The following TUSC3 variants were observed in gnomAD, a reference collection of about 807,000 sequenced individuals.
TUSC3 encodes the protein tumor suppressor candidate 3.
TUSC3 carries 45 observed loss-of-function variants against 44.8 expected under a neutral mutation model. That is an observed-to-expected ratio of 1.00 (90% confidence interval 0.79 to 1.29). The LOEUF is 1.29. TUSC3 is among the 50% of genes most tolerant of loss of function. The pLI is 0.00. For synonymous variants in TUSC3, 212 were observed against 152.9 expected (o/e 1.39, Z -2.85); for missense variants, 519 against 437.9 (o/e 1.19, Z -1.65).
chr8:15,648,223 A>C (rs552569417), intron 2 of TUSC3, among the ~76,000 whole-genome samples: 3 of 152,054 alleles, frequency 2.0e-5, no homozygotes, highest in African/African-American at 4.8e-5. Context: ...TTGGTGTTTT[A>C]TTTGGGCAGT....
chr8:15,514,028 C>G (rs190445520), intron 2 of TUSC3, among the ~76,000 whole-genome samples: 2 of 152,170 alleles, frequency 1.3e-5, no homozygotes, highest in African/African-American at 2.4e-5. Context: ...AGGAACATAA[C>G]CAGTACTTTT....
intron 2 of TUSC3, among the ~76,000 whole-genome samples, chr8:15,514,542 A>G (rs947585700): frequency 3.3e-5 from 5 of 151,988 alleles, no homozygotes; most frequent in African/African-American, 9.7e-5. Context: ...TGAAAACGGA[A>G]CTCCGCTTCT....
chr8:15,498,258 A>C (rs1173373632), intron 2 of TUSC3, among the ~76,000 whole-genome samples: 2 of 152,196 alleles, frequency 1.3e-5, no homozygotes, highest in East Asian at 3.9e-4. Context: ...TCATAAGAAC[A>C]CAGATTGAGT....
intron 1 of TUSC3, among the ~76,000 whole-genome samples, chr8:15,556,678 T>G (rs879819161): frequency 9.5e-5 from 14 of 146,858 alleles, no homozygotes; most frequent in Non-Finnish European, 1.8e-4. Context: ...GTTTCCTGAC[T>G]TTTTAATGAT....
At chr8:15,468,519 ACT>A (rs1350534788) in intron 1 of TUSC3, among the ~76,000 whole-genome samples, 1 of 151,914 alleles carries the variant, frequency 6.6e-6, no homozygotes, top group Non-Finnish European at 1.5e-5. Context: ...TTCCCTCTTC[ACT>A]CTGTCAAATT....
At chr8:15,651,850 A>G (rs796111487) in intron 3 of TUSC3, among the ~76,000 whole-genome samples, 1 of 152,200 alleles carries the variant, frequency 6.6e-6, no homozygotes, top group African/African-American at 2.4e-5. Context: ...CGATGTTGTC[A>G]TGGTTGTATC....
intron 1 of TUSC3, among the ~76,000 whole-genome samples, chr8:15,479,902 C>T (rs978725516): frequency 4.6e-5 from 7 of 152,114 alleles, no homozygotes; most frequent in Admixed American, 2.6e-4. Flanking sequence ...GTGGAAAACA[C>T]CATAGTCTCA....
In TUSC3 at chr8:15,533,936, A is replaced by G. The variant is rs1055398061; in HGVS notation, n.189+50453A>G. 9.3e-4 allele frequency among the ~76,000 whole-genome samples: 141 copies of G among 152,204 alleles called. 3 individuals carry two copies. The highest frequency in any genetic ancestry group is 9.0e-3 in the Admixed American group (137 of 15,290). On this transcript the variant is annotated intron_variant and non_coding_transcript_variant, in intron 2 of 5. Transcript: ENST00000503191. ...TGGAAAGTTTCTGGTTGGAGGTGTC[A>G]TTTGTGGTTTATGGTGATGGCTGAC... is the stretch of plus-strand genomic sequence containing the variant.
intron 8 of TUSC3, among the ~76,000 whole-genome samples, chr8:15,745,371 G>C (rs1811368429): frequency 6.6e-6 from 1 of 152,008 alleles, no homozygotes; most frequent in Non-Finnish European, 1.5e-5. Context: ...TAAGTTTTTT[G>C]AGAAATCTCG....
intron 1 of TUSC3, among the ~76,000 whole-genome samples, chr8:15,443,730 A>T (rs1043686513): frequency 6.6e-6 from 1 of 152,110 alleles, no homozygotes; most frequent in African/African-American, 2.4e-5. Flanking sequence ...ATGAGAAATT[A>T]TGGTTTAGGA....
At chr8:15,645,239 T>C (rs1806570860) in intron 2 of TUSC3, among the ~76,000 whole-genome samples, 1 of 152,186 alleles carries the variant, frequency 6.6e-6, no homozygotes, top group African/African-American at 2.4e-5. Flanking sequence ...AGCTGGGTCC[T>C]ATTTATGTTT....
intron 1 of TUSC3, among the ~76,000 whole-genome samples, chr8:15,572,122 C>G (rs1486557137): frequency 6.6e-6 from 1 of 152,306 alleles, no homozygotes; most frequent in East Asian, 1.9e-4. Flanking sequence ...ATCGACTTCT[C>G]TCTAGCCATG....
intron 6 of TUSC3, among the ~76,000 whole-genome samples, chr8:15,684,298 C>A (rs992616295): frequency 1.3e-5 from 2 of 152,108 alleles, no homozygotes; most frequent in African/African-American, 4.8e-5. Context: ...CACTGTTCCT[C>A]TGTATTTGCC....
the TUSC3 span, among the ~76,000 whole-genome samples, chr8:15,813,838 G>T: frequency 6.6e-6 from 1 of 151,994 alleles, no homozygotes; most frequent in Non-Finnish European, 1.5e-5. Flanking sequence ...GAAGTATTAC[G>T]TTGAGGCAGT....
the TUSC3 span, among the ~76,000 whole-genome samples, chr8:15,786,698 A>T: frequency 6.6e-6 from 1 of 152,066 alleles, no homozygotes; most frequent in Non-Finnish European, 1.5e-5. Context: ...TAATCCCAGC[A>T]CTTTGGGTGG....
chr8:15,433,890 T>G (rs1799911375), intron 1 of TUSC3, among the ~76,000 whole-genome samples: 1 of 152,126 alleles, frequency 6.6e-6, no homozygotes, highest in Admixed American at 6.5e-5. Context: ...ATAAATATTT[T>G]ATATACACAT....
intron 2 of TUSC3, among the ~76,000 whole-genome samples, chr8:15,526,742 A>G (rs947573633): frequency 6.6e-6 from 1 of 152,186 alleles, no homozygotes; most frequent in Non-Finnish European, 1.5e-5. Context: ...GTTCATCAGC[A>G]GCATGATAAC....
At chr8:15,425,945 G>C (rs1006707475) in intron 1 of TUSC3, among the ~76,000 whole-genome samples, 1 of 152,186 alleles carries the variant, frequency 6.6e-6, no homozygotes, top group Non-Finnish European at 1.5e-5. Flanking sequence ...GAGCCCAGGA[G>C]TTCAAGGCTG....
intron 1 of TUSC3, among the ~76,000 whole-genome samples, chr8:15,609,087 G>A (rs998953397): frequency 2.0e-5 from 3 of 152,096 alleles, no homozygotes; most frequent in Admixed American, 1.3e-4. Context: ...TTGTTTTGAC[G>A]ATGTAAGCGT....
Sources: gnomAD v4.1 joint callset for allele counts (sites outside exome capture counted in the v4.1 genomes callset) on GRCh38, gnomAD v4.1.1 for gene constraint, MANE v1.5 for transcripts, NCBI Gene and HGNC (gene_info 2026-07-23, HGNC 2026-07-21) for gene names.